The following SIK3 variants were observed in gnomAD, a reference collection of about 807,000 sequenced individuals.
SIK3 encodes the protein SIK family kinase 3.
Under a neutral mutation model 144.2 loss-of-function variants are expected in SIK3, and 28 were observed. The ratio of observed to expected loss-of-function variants is 0.19; its 90% CI spans 0.14 to 0.27. The LOEUF (loss-of-function observed/expected upper bound fraction) is 0.27. SIK3 is among the 10% of genes least tolerant of loss of function. SIK3 has a pLI of 1.00. For synonymous variants in SIK3, 686 were observed against 676.3 expected (o/e 1.01, Z -0.22); for missense variants, 1,319 against 1,776.0 (o/e 0.74, Z 4.62).
At chr11:116,961,442 A>T (rs1302116872) in intron 1 of SIK3, among the ~76,000 whole-genome samples, 4 of 152,218 alleles carry the variant, frequency 2.6e-5, no homozygotes, top group African/African-American at 9.6e-5. Context: ...AATGAGTATG[A>T]GTTTCACAGC....
chr11:116,897,717 C>A (rs996004197), intron 4 of SIK3, among the ~76,000 whole-genome samples: 2 of 152,218 alleles, frequency 1.3e-5, no homozygotes, highest in Admixed American at 1.3e-4. Context: ...ACCTCCTCTC[C>A]ACCAACATAC....
chr11:116,983,924 G>A (rs367832301), intron 1 of SIK3, among the ~76,000 whole-genome samples: 2 of 152,002 alleles, frequency 1.3e-5, no homozygotes, highest in African/African-American at 4.8e-5. Flanking sequence ...GGTGGCACAC[G>A]CCTGTAGTCC....
At chr11:116,880,097 C>A (rs1437623443) in intron 6 of SIK3, among the ~76,000 whole-genome samples, 1 of 152,172 alleles carries the variant, frequency 6.6e-6, no homozygotes, top group African/African-American at 2.4e-5. Flanking sequence ...CAGTTACAGG[C>A]TTGCTTTAAA....
At chr11:117,000,953 A>C (rs1032391599) in intron 1 of SIK3, among the ~76,000 whole-genome samples, 4 of 152,220 alleles carry the variant, frequency 2.6e-5, no homozygotes, top group South Asian at 4.1e-4. Context: ...TCACAGACTA[A>C]ATCTATCCAT....
At chr11:116,902,307 A>T (rs890600836) in intron 4 of SIK3, among the ~76,000 whole-genome samples, 1 of 152,240 alleles carries the variant, frequency 6.6e-6, no homozygotes, top group African/African-American at 2.4e-5. Flanking sequence ...ATGTTTAGTA[A>T]CCTTTCTAGC....
chr11:116,921,507 C>T (rs912960163), intron 4 of SIK3, among the ~76,000 whole-genome samples: 9 of 152,020 alleles, frequency 5.9e-5, no homozygotes, highest in African/African-American at 2.2e-4. Flanking sequence ...TTGGTAACTG[C>T]CTTTAGAAAT....
At chr11:116,967,722 T>C (rs1297241747) in intron 1 of SIK3, among the ~76,000 whole-genome samples, 2 of 152,198 alleles carry the variant, frequency 1.3e-5, no homozygotes, top group East Asian at 3.8e-4. Flanking sequence ...AGTGTGCTCA[T>C]TGTTTGTCAA....
At position 117,041,827 on chromosome 11, in the gene SIK3, C is replaced by T. The variant is rs117075362; in HGVS notation, c.273+56316G>A. The stretch of plus-strand genomic sequence containing the variant: ...TTTGAATTACTTCTGATTTCCTTGT[C>T]CAAAGATGCCCTAAGGATTTCAAGA... On this transcript the variant is annotated intron_variant, in intron 1 of 24. Coordinates refer to ENST00000445177, the MANE Select transcript of SIK3 (RefSeq NM_001366686.3). Among the ~76,000 whole-genome samples the T allele has an allele frequency of 4.1e-3, 620 of 152,270 alleles. 3 individuals carry two copies. Among genetic ancestry groups the T allele is most frequent in the Middle Eastern group, 0.017 (5 of 294 alleles).
In SIK3 at chr11:116,858,504, C is replaced by T. The variant is rs148013820; in HGVS notation, c.2961G>A (p.Pro987=). ...PTFPPSAHQQ[P]PHYTTSALQQ... ...GTAGTGCCGACGTGGTATAGTGTGG[C>T]GGCTGCTGATGTGCACTGGGAGGGA... The change falls in exon 21 of 25, where the codon CCG becomes CCA. Residue 987 remains proline (P), a synonymous_variant. Transcript: ENST00000445177. The surrounding 1 kb of genome is among the most constrained non-coding windows in gnomAD (Gnocchi z 5.4). The T allele has an allele frequency of 4.6e-5, 74 of 1,610,456 alleles. 1 individual carries two copies. The African/African-American group carries it at 7.9e-4, about 17-fold the overall frequency.
Position 116,906,750 on chromosome 11 carries a change from TTTTG to T in SIK3, c.617-9437_617-9434del, listed in dbSNP as rs775354313. On this transcript the variant is annotated intron_variant, in intron 4 of 24. Transcript: ENST00000445177. Reference sequence around the variant, plus strand: ...AATGGTATCATTTTCCCCTCAGAATTTTTGTTTATTTGTTGTAAAGACAGGCTAC... The same window carrying T: ...AATGGTATCATTTTCCCCTCAGAATTTTTATTTGTTGTAAAGACAGGCTAC... Among the ~76,000 whole-genome samples the T allele has an allele frequency of 1.1e-4, 17 of 152,264 alleles. No homozygotes were observed. In the East Asian group the frequency reaches 1.9e-3, roughly 17 times the overall value.
chr11:116,971,915 C>T lies in SIK3; in HGVS notation c.274-14851G>A, dbSNP rs556825191. ...CAGCTTGGCCAAGATGGTGAAATCC[C>T]GTCTCTACTAAAAATACGAAAAATT... On this transcript the variant is annotated intron_variant, in intron 1 of 24. Coordinates refer to ENST00000445177, the MANE Select transcript of SIK3 (RefSeq NM_001366686.3). 1.9e-3 allele frequency among the ~76,000 whole-genome samples: 290 copies of T among 151,738 alleles called. 2 individuals carry two copies. Among genetic ancestry groups the T allele is most frequent in the African/African-American group, 6.6e-3 (272 of 41,368 alleles).
intron 6 of SIK3, among the ~76,000 whole-genome samples, chr11:116,883,007 T>C (rs1013640103): frequency 7.9e-5 from 12 of 152,234 alleles, no homozygotes; most frequent in Admixed American, 5.9e-4. Flanking sequence ...CATTAAAGTC[T>C]TAAAGTTTTC....
At chr11:116,863,564 A>G in intron 16 of SIK3, 104 bp downstream of exon 16, 1 of 1,513,516 alleles carries the variant, frequency 6.6e-7, no homozygotes, top group Middle Eastern at 2.4e-4. Flanking sequence ...TAAAACTGCA[A>G]TGTTGCTGAC....
chr11:116,931,147 A>G (rs1565465661), intron 3 of SIK3, among the ~76,000 whole-genome samples: 1 of 152,210 alleles, frequency 6.6e-6, no homozygotes, highest in Non-Finnish European at 1.5e-5. Context: ...AATGAAAAGA[A>G]GTAAGTGACA....
intron 1 of SIK3, among the ~76,000 whole-genome samples, chr11:117,084,009 A>G (rs1428615395): frequency 1.3e-5 from 2 of 152,236 alleles, no homozygotes; most frequent in East Asian, 1.9e-4. Flanking sequence ...CGAAGTACAC[A>G]CTATAAATAA....
At chr11:116,863,285 T>A (rs1943451293) in intron 16 of SIK3, among the ~76,000 whole-genome samples, 1 of 152,188 alleles carries the variant, frequency 6.6e-6, no homozygotes, top group Non-Finnish European at 1.5e-5. Flanking sequence ...AGAGTCTCGT[T>A]CTGTTGCCAG....
intron 3 of SIK3, among the ~76,000 whole-genome samples, chr11:116,938,443 C>T (rs562106347): frequency 5.7e-4 from 1 of 1,768 alleles, no homozygotes; most frequent in Non-Finnish European, 1.0e-3. Flanking sequence ...GGGGACGGGA[C>T]GGGAGGGGAG....
chr11:117,030,400 T>C (rs184759824), intron 1 of SIK3, among the ~76,000 whole-genome samples: 3 of 152,292 alleles, frequency 2.0e-5, no homozygotes, highest in Non-Finnish European at 4.4e-5. Flanking sequence ...TGTACATCCA[T>C]ACAACAAAGA....
chr11:116,921,549 T>TA (rs1372134267), intron 4 of SIK3, among the ~76,000 whole-genome samples: 1 of 152,060 alleles, frequency 6.6e-6, no homozygotes, highest in Non-Finnish European at 1.5e-5. Context: ...TTCTTCTTAA[T>TA]AAAAAAGAGA....
Sources: allele counts gnomAD v4.1 joint callset (sites outside exome capture counted in the v4.1 genomes callset), GRCh38; gene constraint gnomAD v4.1.1; non-coding constraint Gnocchi (gnomAD v3.1); transcripts MANE v1.5; gene names NCBI Gene and HGNC (gene_info 2026-07-23, HGNC 2026-07-21).